EXOC4: variants seen among roughly 807,000 people sequenced by gnomAD.
The protein encoded by EXOC4 is exocyst complex component 4.
A neutral mutation model predicts 107.2 loss-of-function variants in EXOC4; 71 were observed. The ratio of observed to expected loss-of-function variants is 0.66; its 90% CI spans 0.55 to 0.81. EXOC4 has a LOEUF of 0.81. EXOC4 is among the 30% of genes least tolerant of loss of function. EXOC4 has a pLI of 0.00. For missense variants in EXOC4, 1,108 were observed against 1,189.6 expected, an observed-to-expected ratio of 0.93 and a Z score of 1.01; for synonymous variants, 456 against 441.2, an observed-to-expected ratio of 1.03 and a Z score of -0.42.
Position 133,844,552 on chromosome 7 carries a change from G to A in EXOC4, c.1734+27008G>A, listed in dbSNP as rs1585192838. 3.3e-5 allele frequency among the ~76,000 whole-genome samples: 5 copies of A among 151,836 alleles called. No homozygotes were observed. The South Asian group carries it at 1.0e-3, about 32-fold the overall frequency. ...CTACAGGCATGCACCACCACACCCA[G>A]CTAATTTTTGTATGTTTAGTAGAGA... On this transcript the variant is annotated intron_variant, in intron 11 of 17. Coordinates refer to ENST00000253861, the MANE Select transcript of EXOC4 (RefSeq NM_021807.4).
chr7:133,464,877 TAGTGC>T (rs1167305587), intron 7 of EXOC4, among the ~76,000 whole-genome samples: 1 of 132,956 alleles, frequency 7.5e-6, no homozygotes, highest in Non-Finnish European at 1.6e-5. Context: ...TGGAGTGCAG[TAGTGC>T]AGTCATAGCT....
intron 14 of EXOC4, among the ~76,000 whole-genome samples, chr7:133,957,846 C>A (rs2971968): frequency 0.71 from 108,360 of 151,712 alleles, 39,159 homozygotes; most frequent in East Asian, 0.91. Flanking sequence ...GTTGCAATCT[C>A]CTTAATTTTC....
intron 7 of EXOC4, among the ~76,000 whole-genome samples, chr7:133,386,421 G>A (rs536007875): frequency 6.6e-6 from 1 of 152,102 alleles, no homozygotes; most frequent in Non-Finnish European, 1.5e-5. Flanking sequence ...TTTATGAAGT[G>A]GCTGTCAGCA....
At chr7:133,764,489 C>T (rs1796096944) in intron 10 of EXOC4, among the ~76,000 whole-genome samples, 1 of 152,004 alleles carries the variant, frequency 6.6e-6, no homozygotes, top group African/African-American at 2.4e-5. Context: ...GCTGCCAGGA[C>T]TTAGCCCAGG....
chr7:134,092,999 C>A, the EXOC4 span, among the ~76,000 whole-genome samples: 2 of 151,680 alleles, frequency 1.3e-5, no homozygotes, highest in Non-Finnish European at 2.9e-5. Flanking sequence ...GCCTACAGAC[C>A]CTATGACTGT....
intron 17 of EXOC4, among the ~76,000 whole-genome samples, chr7:134,058,894 T>C (rs1298222997): frequency 6.6e-6 from 1 of 152,180 alleles, no homozygotes; most frequent in Non-Finnish European, 1.5e-5. Flanking sequence ...CTCATATGTA[T>C]AACGTAGATA....
chr7:133,792,958 T>G lies in EXOC4; in HGVS notation c.1515-24367T>G, dbSNP rs540948890. On this transcript the variant is annotated intron_variant, in intron 10 of 17. Transcript: ENST00000253861. ...GAGTCATCCTCCCAGGCTGCTCTCC[T>G]TACCTTCAGAACATCAGCAAGACCC... Among the ~76,000 whole-genome samples the G allele has an allele frequency of 2.6e-5, 4 of 152,270 alleles. No homozygotes were observed. In the East Asian group the frequency reaches 7.7e-4, roughly 29 times the overall value.
intron 9 of EXOC4, among the ~76,000 whole-genome samples, chr7:133,482,631 C>A (rs1160893997): frequency 1.3e-5 from 2 of 152,116 alleles, no homozygotes; most frequent in Non-Finnish European, 2.9e-5. Flanking sequence ...TGCTTTGTAA[C>A]CTCCAGCAAG....
intron 10 of EXOC4, among the ~76,000 whole-genome samples, chr7:133,787,963 T>TTTTATATATATATATA (rs1203837455): frequency 2.4e-5 from 1 of 40,978 alleles, no homozygotes; most frequent in African/African-American, 8.2e-5. Context: ...ATTTATATAT[T>TTTTATATATATATATA]TATATATATA....
In EXOC4 at chr7:133,944,245, A is replaced by G. The variant is rs551702404; in HGVS notation, c.2206+6176A>G. ...ATCACATTTATACCACAGTTTTCCC[A>G]TATCACAGTTATCACATATATCACA... is the stretch of plus-strand genomic sequence containing the variant. On this transcript the variant is annotated intron_variant, in intron 14 of 17. Transcript: ENST00000253861. Among the ~76,000 whole-genome samples the G allele has an allele frequency of 1.1e-3, 168 of 152,262 alleles. 1 individual carries two copies. The highest frequency in any genetic ancestry group is 2.2e-3 in the Non-Finnish European group (147 of 68,006).
chr7:133,776,939 C>G (rs1253331597), intron 10 of EXOC4, among the ~76,000 whole-genome samples: 1 of 152,002 alleles, frequency 6.6e-6, no homozygotes. Context: ...CAAAGCTGTC[C>G]TGTAACAAGA....
intron 7 of EXOC4, among the ~76,000 whole-genome samples, chr7:133,423,214 A>T (rs1797641511): frequency 7.2e-6 from 1 of 138,208 alleles, no homozygotes. Flanking sequence ...CGACAGAGCG[A>T]GACTCCGTCT....
At chr7:133,822,957 G>A in intron 11 of EXOC4, among the ~76,000 whole-genome samples, 1 of 152,230 alleles carries the variant, frequency 6.6e-6, no homozygotes, top group East Asian at 1.9e-4. Context: ...TGCTGCAGCA[G>A]CAGAAGCTGC....
At chr7:133,908,656 G>A (rs530713796) in intron 12 of EXOC4, among the ~76,000 whole-genome samples, 2 of 152,164 alleles carry the variant, frequency 1.3e-5, no homozygotes, top group Non-Finnish European at 2.9e-5. Context: ...TGGTTGTGAG[G>A]ATTAAAAGTT....
At chr7:133,558,212 TTTTC>T (rs1800736918) in intron 9 of EXOC4, among the ~76,000 whole-genome samples, 1 of 140,094 alleles carries the variant, frequency 7.1e-6, no homozygotes, top group African/African-American at 3.0e-5. Context: ...TTTTCTTTTC[TTTTC>T]TTTTCTTTTC....
chr7:133,971,361 T>TATAGAG (rs1489958236), intron 14 of EXOC4, among the ~76,000 whole-genome samples: 48 of 75,052 alleles, frequency 6.4e-4, no homozygotes, highest in African/African-American at 1.8e-3. Flanking sequence ...TATATATATA[T>TATAGAG]AGAGAGAGAG....
intron 10 of EXOC4, among the ~76,000 whole-genome samples, chr7:133,791,442 A>G (rs906254048): frequency 8.5e-5 from 13 of 152,326 alleles, no homozygotes; most frequent in African/African-American, 2.9e-4. Context: ...GACTTCACAC[A>G]TGATAGGAAC....
At chr7:133,961,363 T>A (rs1434932940) in intron 14 of EXOC4, among the ~76,000 whole-genome samples, 1 of 146,708 alleles carries the variant, frequency 6.8e-6, no homozygotes, top group Non-Finnish European at 1.5e-5. Context: ...TTCGGCTCAC[T>A]GCAACCTCTG....
intron 14 of EXOC4, among the ~76,000 whole-genome samples, chr7:133,996,768 G>T (rs1230469446): frequency 1.3e-5 from 2 of 152,092 alleles, no homozygotes; most frequent in Non-Finnish European, 2.9e-5. Flanking sequence ...TTTGTCCTGA[G>T]TTCTACATTT....
Sources: allele counts gnomAD v4.1 joint callset (sites outside exome capture counted in the v4.1 genomes callset), GRCh38; gene constraint gnomAD v4.1.1; transcripts MANE v1.5; gene names NCBI Gene and HGNC (gene_info 2026-07-23, HGNC 2026-07-21).